Variants in FASTKD2 observed in about 807,000 individuals in gnomAD.
FASTKD2 encodes FAST kinase domain-containing protein 2, mitochondrial.
In FASTKD2, 51 loss-of-function variants were observed where a neutral mutation model predicts 63.6. That is an observed-to-expected ratio of 0.80 (90% CI 0.64 to 1.01). The LOEUF (loss-of-function observed/expected upper bound fraction) is 1.01, where lower values mean the gene tolerates loss of function less well. Ranked by LOEUF, FASTKD2 falls within the 50% of genes least tolerant of loss-of-function variation. The pLI is 0.00. For synonymous variants in FASTKD2, 284 were observed against 293.4 expected (o/e 0.97, Z 0.33); for missense variants, 786 against 831.1 (o/e 0.95, Z 0.67).
chr2:206,775,969 A>G (rs1224226415), intron 7 of FASTKD2, among the ~76,000 whole-genome samples: 2 of 151,692 alleles, frequency 1.3e-5, no homozygotes, highest in African/African-American at 2.4e-5. Flanking sequence ...TTTGATTTGC[A>G]TTTCCCTGAT....
rs1262042321 is a variant in FASTKD2, at chr2:206,770,180, A to G, written c.867A>G (p.Leu289=). 1 of 1,602,932 alleles carries G rather than the reference A, an allele frequency of 6.2e-7. No individual in the cohort carries two copies. The highest frequency in any genetic ancestry group is 1.7e-4 in the Middle Eastern group (1 of 6,034). ...AMEPCKNVHV[L]RTGFRILVDQ... ...AACCATGCAAGAATGTTCATGTTCT[A>G]CGAACGGGATTCAGGTGAGAACTCT... Residue 289 remains leucine, a synonymous_variant, in exon 3 of 12, where the codon CTA becomes CTG. Coordinates refer to ENST00000402774, the MANE Select transcript of FASTKD2 (RefSeq NM_001136193.2).
intron 7 of FASTKD2, among the ~76,000 whole-genome samples, chr2:206,777,313 C>A (rs1689848338): frequency 6.6e-6 from 1 of 152,058 alleles, no homozygotes; most frequent in Non-Finnish European, 1.5e-5. Context: ...TATGGCTTTT[C>A]ATATATGGTC....
At chr2:206,772,154 G>C (rs770686562) in intron 5 of FASTKD2, 27 bp from the exon 6 acceptor site, 2 of 1,606,336 alleles carry the variant, frequency 1.2e-6, no homozygotes, top group Admixed American at 3.3e-5. Context: ...GGTAATTTTT[G>C]TTTGTTTATT....
chr2:206,791,791 A>G lies in FASTKD2; in HGVS notation c.2122A>G (p.Ser708Gly), dbSNP rs1690293721. 1.2e-6 allele frequency: 2 copies of G among 1,612,908 alleles called. No homozygotes were observed. Among genetic ancestry groups the G allele is most frequent in the East Asian group, 4.5e-5 (2 of 44,794 alleles). ...TCCTGTTGCTGCTGTAAATGTGCAA[A>G]GCACACAATAAAGTGAAAATCAACC... Reference protein sequence around the residue: ...ALPVAAVNVQSTQ With the variant: ...ALPVAAVNVQGTQ The change falls in exon 12 of 12, where the codon AGC becomes GGC. Residue 708 changes from serine to glycine, a missense_variant. Transcript: ENST00000402774.
chr2:206,777,647 A>G (rs193087389), intron 7 of FASTKD2, among the ~76,000 whole-genome samples: 1 of 152,280 alleles, frequency 6.6e-6, no homozygotes, highest in African/African-American at 2.4e-5. Context: ...TGGCTTTGGT[A>G]TCAGGGTAAT....
chr2:206,783,514 T>C (rs1690049609), intron 7 of FASTKD2, among the ~76,000 whole-genome samples: 1 of 152,032 alleles, frequency 6.6e-6, no homozygotes. Context: ...CTGGCTCCCA[T>C]TGATGCCTTG....
At chr2:206,784,082 C>T (rs1267381806) in intron 7 of FASTKD2, among the ~76,000 whole-genome samples, 1 of 152,152 alleles carries the variant, frequency 6.6e-6, no homozygotes, top group Non-Finnish European at 1.5e-5. Flanking sequence ...GAAGTAGGGG[C>T]AATATGGCAG....
At chr2:206,787,256 A>C (rs558831447) in intron 8 of FASTKD2, among the ~76,000 whole-genome samples, 6 of 152,188 alleles carry the variant, frequency 3.9e-5, no homozygotes, top group Non-Finnish European at 7.3e-5. Context: ...TTTGAAGCCA[A>C]CCTAAGTCAA....
At position 206,767,030 on chromosome 2, in the gene FASTKD2, T is replaced by G. The variant is rs747511083; in HGVS notation, c.337T>G (p.Phe113Val). ...IERLLYAKRLFFDSKQSLVPV... is the reference protein window; with the variant it reads ...IERLLYAKRLVFDSKQSLVPV... The stretch of plus-strand genomic sequence containing the variant: ...AAGACTACTTTATGCTAAAAGACTG[T>G]TTTTTGACTCAAAGCAGTCTCTTGT... Residue 113 changes from phenylalanine (F) to valine (V), a missense_variant, in exon 2 of 12, where the codon TTT becomes GTT. Transcript: ENST00000402774. 5 of 1,613,330 alleles carry G rather than the reference T, an allele frequency of 3.1e-6. No individual in the cohort carries two copies. The highest frequency in any genetic ancestry group is 2.5e-6 in the Non-Finnish European group (3 of 1,179,390).
Position 206,774,320 on chromosome 2 carries a change from C to T in FASTKD2, c.1350C>T (p.Ser450=), listed in dbSNP as rs1689764623. Residue 450 remains serine (S), a synonymous_variant, in exon 7 of 12, where the codon TCC becomes TCT. Coordinates refer to ENST00000402774, the MANE Select transcript of FASTKD2 (RefSeq NM_001136193.2). ...AGAGAATAGTAGAGGATCCTGAATC[C>T]CTAAACATGAAAAACATTCTATCTA... ...FMKRIVEDPE[S]LNMKNILSIL... is the part of the protein sequence containing the mutation. The T allele has an allele frequency of 1.2e-6, 2 of 1,603,092 alleles. No homozygotes were observed. Among genetic ancestry groups the T allele is most frequent in the East Asian group, 4.5e-5 (2 of 44,700 alleles).
Position 206,792,582 on chromosome 2 carries a change from G to A in FASTKD2, c.*780G>A, listed in dbSNP as rs1274447465. 1 of 152,106 alleles carries A rather than the reference G, an allele frequency of 6.6e-6. No individual in the cohort carries two copies. Among genetic ancestry groups the A allele is most frequent in the Non-Finnish European group, 1.5e-5 (1 of 68,048 alleles). 9.4% of individuals were successfully genotyped at this position (152,106 alleles called of 1,614,324 possible). On this transcript the variant is annotated 3_prime_UTR_variant, in exon 12 of 12. Transcript: ENST00000402774. ...ATATTTGTCCAAATTCAACTATTTTGTTCAATATGCCTGTCTACCTAGTAT... is the reference window on the plus strand; with the variant it reads ...ATATTTGTCCAAATTCAACTATTTTATTCAATATGCCTGTCTACCTAGTAT...
chr2:206,785,216 G>T (rs562329888), intron 7 of FASTKD2, among the ~76,000 whole-genome samples: 1 of 152,262 alleles, frequency 6.6e-6, no homozygotes, highest in African/African-American at 2.4e-5. Flanking sequence ...CTACCACTGG[G>T]TCCCTCACAA....
At chr2:206,777,025 C>A (rs1331043765) in intron 7 of FASTKD2, among the ~76,000 whole-genome samples, 1 of 151,800 alleles carries the variant, frequency 6.6e-6, no homozygotes, top group African/African-American at 2.4e-5. Flanking sequence ...TAAGTTTATT[C>A]CTAAGTATTT....
intron 7 of FASTKD2, among the ~76,000 whole-genome samples, chr2:206,778,732 G>C (rs1291171490): frequency 6.6e-6 from 1 of 151,940 alleles, no homozygotes; most frequent in Non-Finnish European, 1.5e-5. Context: ...TAGGAACTGG[G>C]CCACACAGCA....
At chr2:206,785,030 A>G (rs915349992) in intron 7 of FASTKD2, among the ~76,000 whole-genome samples, 1 of 152,214 alleles carries the variant, frequency 6.6e-6, no homozygotes, top group Non-Finnish European at 1.5e-5. Flanking sequence ...ACAGTTCCAC[A>G]TGGCTGGGGA....
chr2:206,778,848 G>C (rs1297082335), intron 7 of FASTKD2, among the ~76,000 whole-genome samples: 3 of 152,060 alleles, frequency 2.0e-5, no homozygotes, highest in Non-Finnish European at 4.4e-5. Context: ...GCATGTGAAG[G>C]CTCTAGGTTG....
rs1236811012 is a variant in FASTKD2, at chr2:206,767,384, T to C, written c.691T>C (p.Tyr231His). ...MREAKIMQYKYLLFSLHAIVK... is the reference protein window; with the variant it reads ...MREAKIMQYKHLLFSLHAIVK... ...AGAAGCCAAGATCATGCAGTATAAG[T>C]ACCTACTGTTCAGTCTTCACGCCAT... is the stretch of plus-strand genomic sequence containing the variant. The change falls in exon 2 of 12, where the codon TAC becomes CAC. Residue 231 changes from tyrosine (Y) to histidine (H), a missense_variant. By Grantham distance (83) the Tyr-to-His change is moderately conservative. Coordinates refer to ENST00000402774, the MANE Select transcript of FASTKD2 (RefSeq NM_001136193.2). 2 of 1,613,706 alleles carry C rather than the reference T, an allele frequency of 1.2e-6. No homozygotes were observed. Among genetic ancestry groups the C allele is most frequent in the East Asian group, 4.5e-5 (2 of 44,884 alleles).
rs58656956 is a variant in FASTKD2 at position 206,793,220 on chromosome 2, C to CAAAAAAAAAAAAAAAAAAAAAAAAAA, written c.*1424_*1449dup. 1.5e-5 allele frequency among the ~76,000 whole-genome samples: 1 copy of CAAAAAAAAAAAAAAAAAAAAAAAAAA among 65,820 alleles called. No individual in the cohort carries two copies. Among genetic ancestry groups the CAAAAAAAAAAAAAAAAAAAAAAAAAA allele is most frequent in the Non-Finnish European group, 2.8e-5 (1 of 36,084 alleles). The allele number at this position is 65,820 out of a possible 152,430, so 43.2% of individuals were successfully genotyped here. The stretch of plus-strand genomic sequence containing the variant: ...CTGACCACAGAGCGAGACTCTGTCT[C>CAAAAAAAAAAAAAAAAAAAAAAAAAA]AAAAAAAAAAAAAAAAAAAAAAAAA... On this transcript the variant is annotated 3_prime_UTR_variant, in exon 12 of 12. Coordinates refer to ENST00000402774, the MANE Select transcript of FASTKD2 (RefSeq NM_001136193.2).
Position 206,767,078 on chromosome 2 carries a change from G to T in FASTKD2, c.385G>T (p.Glu129Ter). 6.2e-7 allele frequency: 1 copy of T among 1,614,062 alleles called. No homozygotes were observed. Among genetic ancestry groups the T allele is most frequent in the Non-Finnish European group, 8.5e-7 (1 of 1,179,968 alleles). ...TGTCCCTGTTGATAAATCTGATGAT[G>T]AATTGAAGAAAGTAAACCTTAATCA... ...SLVPVDKSDD[E>*]LKKVNLNHEV... Residue 129 changes from glutamate (E) to a stop codon, truncating the protein, a stop_gained, in exon 2 of 12, where the codon GAA (glutamate) becomes TAA (stop). Coordinates refer to ENST00000402774, the MANE Select transcript of FASTKD2 (RefSeq NM_001136193.2). LOFTEE classifies it high-confidence loss of function.
Sources: allele counts gnomAD v4.1 joint callset (sites outside exome capture counted in the v4.1 genomes callset), GRCh38; gene constraint gnomAD v4.1.1; transcripts MANE v1.5; gene names NCBI Gene and HGNC (gene_info 2026-07-23, HGNC 2026-07-21).